CCDC149: variants seen among roughly 807,000 people sequenced by gnomAD.
CCDC149 encodes coiled-coil domain-containing protein 149.
A neutral mutation model predicts 59.9 loss-of-function variants in CCDC149; 45 were observed. That is an observed-to-expected ratio of 0.75 (90% CI 0.59 to 0.96). The LOEUF is 0.96. Among genes scored for constraint, CCDC149 ranks in the 40% least tolerant of loss-of-function variants. The pLI is 0.00. For missense variants in CCDC149, 584 were observed against 664.7 expected, an observed-to-expected ratio of 0.88 and a Z score of 1.33; for synonymous variants, 245 against 260.6, an observed-to-expected ratio of 0.94 and a Z score of 0.58.
intron 1 of CCDC149, among the ~76,000 whole-genome samples, chr4:24,894,738 AAC>A (rs1361755440): frequency 6.6e-6 from 1 of 151,622 alleles, no homozygotes; most frequent in African/African-American, 2.4e-5. Context: ...TGCCCTTTCG[AAC>A]ATACACAGCA....
chr4:24,853,290 A>G (rs1717783961), intron 3 of CCDC149, 111 bp from the exon 4 acceptor site: 2 of 762,706 alleles, frequency 2.6e-6, no homozygotes, highest in Non-Finnish European at 4.6e-6. Flanking sequence ...AACCACACAA[A>G]GCCCGTTATA....
At chr4:24,913,155 C>T (rs561927285), upstream of CCDC149, among the ~76,000 whole-genome samples, 164 of 151,938 alleles carry the variant, frequency 1.1e-3, 1 homozygote, top group African/African-American at 3.7e-3. Flanking sequence ...CCTCGGGCTC[C>T]GCGCCTCCTG....
At chr4:24,843,316 T>C (rs771629432) in intron 4 of CCDC149, among the ~76,000 whole-genome samples, 7 of 152,340 alleles carry the variant, frequency 4.6e-5, no homozygotes, top group African/African-American at 9.6e-5. Flanking sequence ...CGTGTACTGC[T>C]GCAGATAGCA....
chr4:24,832,788 T>G (rs1328072872), intron 8 of CCDC149, among the ~76,000 whole-genome samples: 1 of 152,212 alleles, frequency 6.6e-6, no homozygotes, highest in Non-Finnish European at 1.5e-5. Flanking sequence ...ATTGTAAGAT[T>G]TCCTTAGCTT....
chr4:24,825,839 C>T (rs1370042566), intron 9 of CCDC149, among the ~76,000 whole-genome samples: 3 of 151,860 alleles, frequency 2.0e-5, no homozygotes, highest in Admixed American at 6.6e-5. Flanking sequence ...AAGTGGAAGA[C>T]GAATCTACAG....
intron 1 of CCDC149, among the ~76,000 whole-genome samples, chr4:24,925,924 G>A (rs189840904): frequency 1.3e-5 from 2 of 152,300 alleles, no homozygotes; most frequent in East Asian, 3.9e-4. Flanking sequence ...GCCGGGCATG[G>A]TGGCTCACAC....
intron 1 of CCDC149, among the ~76,000 whole-genome samples, chr4:24,945,542 C>T (rs889381171): frequency 2.0e-5 from 3 of 151,972 alleles, no homozygotes; most frequent in South Asian, 2.1e-4. Context: ...TGATTTCAGG[C>T]GTCTGGACTC....
chr4:24,911,783 G>A (rs1453995909), intron 1 of CCDC149, among the ~76,000 whole-genome samples: 1 of 152,208 alleles, frequency 6.6e-6, no homozygotes, highest in Admixed American at 6.5e-5. Flanking sequence ...AGACTGACCT[G>A]GAGACCCAGA....
At chr4:24,805,799 C>T (rs1422836923), downstream of CCDC149, among the ~76,000 whole-genome samples, 3 of 152,318 alleles carry the variant, frequency 2.0e-5, no homozygotes, top group East Asian at 3.9e-4. Flanking sequence ...GAAGAAACTT[C>T]CTTCTGCCTT....
rs57650226 is a variant in CCDC149, at chr4:24,813,489, AATATATATATATATAT to A, written c.1193-4686_1193-4671del. Among the ~76,000 whole-genome samples, 59 of 113,720 alleles carry A rather than the reference AATATATATATATATAT, an allele frequency of 5.2e-4. 2 individuals are homozygous for A. The highest frequency in any genetic ancestry group is 1.6e-3 in the African/African-American group (40 of 24,902). 74.6% of individuals were successfully genotyped at this position (113,720 alleles called of 152,430 possible). ...TATATCCCCAAGGTTCAGCTTGGGG[AATATATATATATATAT>A]ATATATATATATATATATATATAAA... On this transcript the variant is annotated intron_variant, in intron 12 of 12. Coordinates refer to ENST00000635206, the MANE Select transcript of CCDC149 (RefSeq NM_001330643.2).
chr4:24,908,990 A>G (rs145807701), intron 1 of CCDC149, among the ~76,000 whole-genome samples: 2 of 152,374 alleles, frequency 1.3e-5, no homozygotes, highest in African/African-American at 4.8e-5. Context: ...TCAGGTGGCG[A>G]TAAGAATATC....
intron 4 of CCDC149, among the ~76,000 whole-genome samples, chr4:24,839,324 C>T (rs1029974767): frequency 5.9e-5 from 9 of 152,030 alleles, no homozygotes; most frequent in South Asian, 2.1e-4. Flanking sequence ...GGACTACAGG[C>T]GCCCACCACC....
chr4:24,890,487 C>T (rs916087034), intron 1 of CCDC149, among the ~76,000 whole-genome samples: 2 of 152,134 alleles, frequency 1.3e-5, no homozygotes, highest in African/African-American at 2.4e-5. Flanking sequence ...GAATTACTTA[C>T]GTGAGAAAAA....
chr4:24,870,100 G>A (rs1718944692), intron 3 of CCDC149, among the ~76,000 whole-genome samples: 1 of 152,204 alleles, frequency 6.6e-6, no homozygotes, highest in African/African-American at 2.4e-5. Context: ...AAGTGGTAGA[G>A]TTGTCAGGTA....
intron 6 of CCDC149, among the ~76,000 whole-genome samples, chr4:24,836,852 GAC>G (rs891438839): frequency 1.3e-5 from 2 of 152,052 alleles, no homozygotes; most frequent in African/African-American, 4.8e-5. Context: ...CATTAAGTTA[GAC>G]ACACACACAC....
intron 1 of CCDC149, among the ~76,000 whole-genome samples, chr4:24,926,704 G>A (rs966140077): frequency 1.3e-5 from 2 of 152,152 alleles, no homozygotes; most frequent in African/African-American, 4.8e-5. Context: ...TTCAGAAATG[G>A]CGTAACAGGG....
At chr4:24,885,422 G>A (rs1720102551) in intron 1 of CCDC149, among the ~76,000 whole-genome samples, 1 of 152,158 alleles carries the variant, frequency 6.6e-6, no homozygotes, top group African/African-American at 2.4e-5. Flanking sequence ...GAGCTGTCAG[G>A]CCTACAGAGA....
At chr4:24,905,176 G>A (rs61793777) in intron 1 of CCDC149, among the ~76,000 whole-genome samples, 4,469 of 151,936 alleles carry the variant, frequency 0.029, 99 homozygotes, top group Non-Finnish European at 0.05. Context: ...TGGGATTACA[G>A]GAGTGAGCCA....
intron 1 of CCDC149, among the ~76,000 whole-genome samples, chr4:24,978,838 G>A (rs935772620): frequency 2.0e-5 from 3 of 152,214 alleles, no homozygotes; most frequent in Non-Finnish European, 4.4e-5. Context: ...ATATCCAGAA[G>A]GGAAGTCTGC....
Sources: gnomAD v4.1 joint callset for allele counts (sites outside exome capture counted in the v4.1 genomes callset) on GRCh38, gnomAD v4.1.1 for gene constraint, MANE v1.5 for transcripts, NCBI Gene and HGNC (gene_info 2026-07-23, HGNC 2026-07-21) for gene names.